CENPW: variants seen among roughly 807,000 people sequenced by gnomAD.
The protein encoded by CENPW is cancer-up-regulated gene 2 protein.
In CENPW, 3 loss-of-function variants were observed where a neutral mutation model predicts 11.1. The ratio of observed to expected loss-of-function variants is 0.27; its 90% confidence interval spans 0.12 to 0.70. The LOEUF (loss-of-function observed/expected upper bound fraction) is 0.70, where lower values mean the gene tolerates loss of function less well. CENPW is among the 30% of genes least tolerant of loss of function. The pLI is 0.77. For missense variants in CENPW, 100 were observed against 105.6 expected (o/e 0.95, Z 0.23); for synonymous variants, 38 against 42.0 (o/e 0.91, Z 0.37).
the CENPW span, among the ~76,000 whole-genome samples, chr6:126,442,886 C>G: frequency 2.0e-5 from 3 of 151,084 alleles, no homozygotes; most frequent in African/African-American, 7.3e-5. Context: ...TAGACTAGAC[C>G]TCGTTTGACA....
chr6:126,462,654 G>GC, the CENPW span, among the ~76,000 whole-genome samples: 83 of 151,594 alleles, frequency 5.5e-4, 1 homozygote, highest in African/African-American at 1.8e-3. Context: ...AAATAAGACT[G>GC]TGTCCCAGAC....
chr6:126,371,273 T>G, the CENPW span, among the ~76,000 whole-genome samples: 1 of 152,304 alleles, frequency 6.6e-6, no homozygotes, highest in Non-Finnish European at 1.5e-5. Flanking sequence ...TCTATGGTGA[T>G]TTTACTGAGG....
At chr6:126,441,125 G>A in the CENPW span, among the ~76,000 whole-genome samples, 2 of 151,398 alleles carry the variant, frequency 1.3e-5, no homozygotes, top group African/African-American at 4.8e-5. Flanking sequence ...GAAGTGAGCA[G>A]TAGTGGTTAT....
At chr6:126,473,581 A>T in the CENPW span, among the ~76,000 whole-genome samples, 3 of 151,904 alleles carry the variant, frequency 2.0e-5, no homozygotes, top group Admixed American at 1.3e-4. Context: ...AAATAAAAAA[A>T]ATTAGCTGGG....
chr6:126,389,561 A>G, the CENPW span, among the ~76,000 whole-genome samples: 1,745 of 151,772 alleles, frequency 0.011, 20 homozygotes, highest in Non-Finnish European at 0.018. Context: ...ACACACACAC[A>G]CGCGTGCACA....
chr6:126,457,341 GA>G, the CENPW span, among the ~76,000 whole-genome samples: 2 of 151,450 alleles, frequency 1.3e-5, no homozygotes, highest in Non-Finnish European at 3.0e-5. Context: ...ACTGAATAAA[GA>G]AAATGTGGTA....
the CENPW span, among the ~76,000 whole-genome samples, chr6:126,363,768 A>C: frequency 6.6e-6 from 1 of 152,298 alleles, no homozygotes; most frequent in East Asian, 1.9e-4. Context: ...TATCAACCTT[A>C]TCTCTCCTAT....
At chr6:126,375,477 G>A in the CENPW span, among the ~76,000 whole-genome samples, 4 of 152,134 alleles carry the variant, frequency 2.6e-5, no homozygotes, top group Non-Finnish European at 5.9e-5. Flanking sequence ...AGTACTCCAT[G>A]GTGATGATGG....
At chr6:126,426,731 G>C in the CENPW span, among the ~76,000 whole-genome samples, 1 of 152,064 alleles carries the variant, frequency 6.6e-6, no homozygotes, top group Admixed American at 6.6e-5. Context: ...ATAGAAATGG[G>C]TAATAGACTT....
At chr6:126,458,536 T>C in the CENPW span, among the ~76,000 whole-genome samples, 1 of 151,478 alleles carries the variant, frequency 6.6e-6, no homozygotes, top group South Asian at 2.1e-4. Flanking sequence ...CCTGTTACCA[T>C]AGGTGAGCTT....
At chr6:126,352,124 G>C (rs1780498390), downstream of CENPW, among the ~76,000 whole-genome samples, 1 of 152,116 alleles carries the variant, frequency 6.6e-6, no homozygotes, top group Non-Finnish European at 1.5e-5. Context: ...CTAGATCACA[G>C]GTTGGCAATA....
At chr6:126,359,757 CTTT>C in the CENPW span, among the ~76,000 whole-genome samples, 2 of 137,918 alleles carry the variant, frequency 1.5e-5, no homozygotes, top group Non-Finnish European at 1.6e-5. Context: ...TTTTTCTTTT[CTTT>C]TTTTTTTTTT....
At chr6:126,342,374 T>C (rs923050745) in intron 1 of CENPW, among the ~76,000 whole-genome samples, 3 of 152,240 alleles carry the variant, frequency 2.0e-5, no homozygotes, top group African/African-American at 7.2e-5. Context: ...TTTCTGAACT[T>C]GGACAGCAGT....
the CENPW span, among the ~76,000 whole-genome samples, chr6:126,389,782 A>G: frequency 6.6e-6 from 1 of 151,788 alleles, no homozygotes; most frequent in African/African-American, 2.4e-5. Context: ...GTACATAAAT[A>G]TTTATTTTAT....
chr6:126,398,688 G>A, the CENPW span, among the ~76,000 whole-genome samples: 1 of 151,828 alleles, frequency 6.6e-6, no homozygotes. Flanking sequence ...TAGGTTCAGG[G>A]GATACATGTG....
At chr6:126,411,123 A>G in the CENPW span, among the ~76,000 whole-genome samples, 7 of 152,004 alleles carry the variant, frequency 4.6e-5, no homozygotes, top group Non-Finnish European at 8.8e-5. Flanking sequence ...TAGTTTCTAG[A>G]GTGGCTTTCA....
chr6:126,358,473 T>G, the CENPW span, among the ~76,000 whole-genome samples: 6 of 152,266 alleles, frequency 3.9e-5, no homozygotes, highest in South Asian at 1.2e-3. Flanking sequence ...AATCATATGG[T>G]TTTTGCTTTT....
chr6:126,363,305 G>A, the CENPW span, among the ~76,000 whole-genome samples: 1 of 152,270 alleles, frequency 6.6e-6, no homozygotes, highest in East Asian at 1.9e-4. Context: ...GTTTTATTTG[G>A]CCCACATAGT....
chr6:126,476,728 G>A, the CENPW span, among the ~76,000 whole-genome samples: 2 of 151,954 alleles, frequency 1.3e-5, no homozygotes, highest in African/African-American at 4.8e-5. Flanking sequence ...CTTTTTTTAA[G>A]GAGATATATC....
Sources: allele counts gnomAD v4.1 joint callset (sites outside exome capture counted in the v4.1 genomes callset), GRCh38; gene constraint gnomAD v4.1.1; transcripts MANE v1.5; gene names NCBI Gene and HGNC (gene_info 2026-07-23, HGNC 2026-07-21).